FTO: variants seen among roughly 807,000 people sequenced by gnomAD.
FTO encodes alpha-ketoglutarate-dependent dioxygenase FTO.
Under a neutral mutation model 63.9 loss-of-function variants are expected in FTO, and 47 were observed. The ratio of observed to expected loss-of-function variants is 0.74; its 90% CI spans 0.58 to 0.94. The LOEUF is 0.94. Among genes scored for constraint, FTO ranks in the 40% least tolerant of loss-of-function variants. The pLI is 0.00. For missense variants in FTO, 562 were observed against 618.1 expected, an observed-to-expected ratio of 0.91 and a Z score of 0.96; for synonymous variants, 207 against 224.4, an observed-to-expected ratio of 0.92 and a Z score of 0.69.
rs983301941 is a variant in FTO at position 53,723,044 on chromosome 16, C to T, written c.45+18815C>T. ...GTTTTTATTTAAGACTATGAAGTTA[C>T]TTTAGTGTAACTGCTGCTGTCACCT... On this transcript the variant is annotated intron_variant, in intron 1 of 8. Coordinates refer to ENST00000471389, the MANE Select transcript of FTO (RefSeq NM_001080432.3). Among the ~76,000 whole-genome samples the T allele has an allele frequency of 4.6e-5, 7 of 152,168 alleles. 1 individual carries two copies. Among genetic ancestry groups the T allele is most frequent in the Admixed American group, 3.9e-4 (6 of 15,278 alleles).
chr16:53,995,481 A>G (rs2083912774), intron 8 of FTO, among the ~76,000 whole-genome samples: 1 of 152,238 alleles, frequency 6.6e-6, no homozygotes, highest in Admixed American at 6.5e-5. Flanking sequence ...CCAGAAACCC[A>G]TGGCTGGCTA....
intron 1 of FTO, among the ~76,000 whole-genome samples, chr16:53,760,679 T>C (rs1005536050): frequency 4.2e-5 from 6 of 141,950 alleles, no homozygotes; most frequent in Non-Finnish European, 1.5e-5. Context: ...CAGACTGGAG[T>C]GTAGTGGCAT....
At chr16:53,823,518 A>G (rs1216848034) in intron 2 of FTO, among the ~76,000 whole-genome samples, 2 of 97,294 alleles carry the variant, frequency 2.1e-5, no homozygotes, top group Non-Finnish European at 3.9e-5. Context: ...CCATATTTTC[A>G]CCTGGAGGTT....
At chr16:53,950,591 C>T (rs1240686690) in intron 8 of FTO, among the ~76,000 whole-genome samples, 1 of 152,152 alleles carries the variant, frequency 6.6e-6, no homozygotes, top group Non-Finnish European at 1.5e-5. Context: ...TATTTCTTTC[C>T]TGTTCTTAAG....
intron 1 of FTO, among the ~76,000 whole-genome samples, chr16:53,740,680 T>G (rs2076510392): frequency 6.6e-6 from 1 of 152,188 alleles, no homozygotes; most frequent in African/African-American, 2.4e-5. Flanking sequence ...CTGGCTCAGT[T>G]GACAGTTTTT....
intron 1 of FTO, among the ~76,000 whole-genome samples, chr16:53,756,679 G>C (rs560365475): frequency 6.6e-6 from 1 of 152,178 alleles, no homozygotes; most frequent in Non-Finnish European, 1.5e-5. Flanking sequence ...TTGGTTCACT[G>C]TTCTCATTAG....
At chr16:53,786,575 T>C (rs1447865901) in intron 1 of FTO, among the ~76,000 whole-genome samples, 2 of 152,246 alleles carry the variant, frequency 1.3e-5, no homozygotes, top group Non-Finnish European at 2.9e-5. Context: ...TTAGAATGTC[T>C]GAATTATTAT....
intron 8 of FTO, among the ~76,000 whole-genome samples, chr16:54,104,128 C>A (rs1344239344): frequency 6.6e-6 from 1 of 152,068 alleles, no homozygotes; most frequent in Non-Finnish European, 1.5e-5. Flanking sequence ...GTGAAATGAA[C>A]CCTCAAGATA....
At chr16:54,088,683 C>G (rs117695102) in intron 8 of FTO, among the ~76,000 whole-genome samples, 52 of 152,290 alleles carry the variant, frequency 3.4e-4, no homozygotes, top group African/African-American at 9.9e-4. Flanking sequence ...AATCTCCTGT[C>G]AGAAATGCCC....
chr16:53,879,081 A>C (rs1318496470), intron 5 of FTO, among the ~76,000 whole-genome samples: 2 of 152,060 alleles, frequency 1.3e-5, no homozygotes, highest in African/African-American at 2.4e-5. Flanking sequence ...TTTCTTTCCT[A>C]TCTTTAGTCT....
intron 1 of FTO, among the ~76,000 whole-genome samples, chr16:53,768,461 G>T (rs2151625171): frequency 6.6e-6 from 1 of 152,296 alleles, no homozygotes; most frequent in East Asian, 1.9e-4. Flanking sequence ...ACTAAGGGGT[G>T]GGGTTGTGGC....
At chr16:54,110,551 T>G (rs1310461916) in intron 8 of FTO, among the ~76,000 whole-genome samples, 1 of 152,206 alleles carries the variant, frequency 6.6e-6, no homozygotes, top group Non-Finnish European at 1.5e-5. Flanking sequence ...TGAAGTATGT[T>G]TTCCCCGGGG....
At chr16:54,065,777 C>G (rs2085713086) in intron 8 of FTO, among the ~76,000 whole-genome samples, 1 of 152,172 alleles carries the variant, frequency 6.6e-6, no homozygotes, top group Admixed American at 6.5e-5. Flanking sequence ...ATGTTTCCAG[C>G]CCACTGTTAG....
intron 8 of FTO, among the ~76,000 whole-genome samples, chr16:54,038,474 G>A (rs1216993516): frequency 2.6e-5 from 4 of 152,194 alleles, no homozygotes; most frequent in Non-Finnish European, 4.4e-5. Flanking sequence ...GATGGCCAAA[G>A]CTGGGGAGAA....
At chr16:53,848,099 G>T (rs2079684118) in intron 4 of FTO, among the ~76,000 whole-genome samples, 2 of 151,998 alleles carry the variant, frequency 1.3e-5, no homozygotes, top group African/African-American at 4.8e-5. Context: ...TATTTTATTT[G>T]ATTTCTGAAA....
At chr16:53,976,963 C>G (rs1169940681) in intron 8 of FTO, among the ~76,000 whole-genome samples, 2 of 152,088 alleles carry the variant, frequency 1.3e-5, no homozygotes, top group Non-Finnish European at 2.9e-5. Context: ...TGTTGCCTTT[C>G]TCTCTCCAAT....
chr16:53,823,519 C>T (rs889721077), intron 2 of FTO, among the ~76,000 whole-genome samples: 2 of 143,242 alleles, frequency 1.4e-5, no homozygotes, highest in Admixed American at 7.3e-5. Context: ...CATATTTTCA[C>T]CTGGAGGTTT....
chr16:54,086,034 A>G (rs1465845708), intron 8 of FTO, among the ~76,000 whole-genome samples: 2 of 152,218 alleles, frequency 1.3e-5, no homozygotes, highest in Non-Finnish European at 2.9e-5. Flanking sequence ...TTGCAAAATA[A>G]CAACAACAAT....
chr16:54,059,682 G>T (rs928534445), intron 8 of FTO, among the ~76,000 whole-genome samples: 15 of 152,148 alleles, frequency 9.9e-5, no homozygotes, highest in African/African-American at 3.1e-4. Flanking sequence ...AAGATAATTA[G>T]ATTTGATGTC....
Sources: gnomAD v4.1 joint callset for allele counts (sites outside exome capture counted in the v4.1 genomes callset) on GRCh38, gnomAD v4.1.1 for gene constraint, MANE v1.5 for transcripts, NCBI Gene and HGNC (gene_info 2026-07-23, HGNC 2026-07-21) for gene names.